Variants in CAMTA2 observed in about 807,000 individuals in gnomAD.
CAMTA2 encodes calmodulin-binding transcription activator 2.
CAMTA2 carries 56 observed loss-of-function variants against 135.7 expected under a neutral mutation model. The observed-to-expected ratio is 0.41, with a 90% CI of 0.33 to 0.52. The LOEUF (loss-of-function observed/expected upper bound fraction) is 0.52. Ranked by LOEUF, CAMTA2 falls within the 20% of genes least tolerant of loss-of-function variation. The pLI, the probability that CAMTA2 is intolerant of heterozygous loss-of-function variation, is 0.16. For synonymous variants in CAMTA2, 591 were observed against 604.6 expected (o/e 0.98, Z 0.33); for missense variants, 1,358 against 1,553.4 (o/e 0.87, Z 2.11).
chr17:4,985,800 G>C, intron 3 of CAMTA2, 80 bp downstream of exon 3: 1 of 855,286 alleles, frequency 1.2e-6, no homozygotes, highest in Non-Finnish European at 2.0e-6. Context: ...AGTGTTGACA[G>C]ACACGGAAAG....
rs75066890 is a variant in CAMTA2, at chr17:4,974,512, C to T, written c.1901-12G>A. On this transcript the variant is annotated splice_polypyrimidine_tract_variant and intron_variant, in intron 11 of 22. Transcript: ENST00000348066. ...CCGGAACTGGTTGTCTGAGGGGGAA[C>T]GGGTATGGGAGGCTGAGTGGGCAGT... The T allele has an allele frequency of 2.3e-3, 3,619 of 1,575,508 alleles. 144 individuals are homozygous for T. The East Asian group carries it at 0.066, about 29-fold the overall frequency.
rs538188115 is a variant in CAMTA2, at chr17:4,985,479, A to T, written c.135+401T>A. ...CACTCTGTCACCCAGGCTGGAGTGC[A>T]GTGGCGTGATCTCAGCTCACTGCAG... On this transcript the variant is annotated intron_variant, in intron 3 of 22. Coordinates refer to ENST00000348066, the MANE Select transcript of CAMTA2 (RefSeq NM_015099.4). 7.9e-5 allele frequency among the ~76,000 whole-genome samples: 12 copies of T among 152,266 alleles called. No individual in the cohort carries two copies. In the South Asian group the frequency reaches 2.5e-3, roughly 32 times the overall value.
Position 4,968,578 on chromosome 17 carries a change from A to C in CAMTA2, c.*178T>G, listed in dbSNP as rs960948475. The C allele has an allele frequency of 3.1e-6, 2 of 655,468 alleles. No homozygotes were observed. Among genetic ancestry groups the C allele is most frequent in the Non-Finnish European group, 5.3e-6 (2 of 376,012 alleles). The allele number at this position is 655,468 out of a possible 1,614,324, so 40.6% of individuals were successfully genotyped here. ...CCAAAAGAGACGGGGCACGACCAGGAGGGACGAGGAGAGGGGTGTGGGAGC... is the reference window on the plus strand; with the variant it reads ...CCAAAAGAGACGGGGCACGACCAGGCGGGACGAGGAGAGGGGTGTGGGAGC... On this transcript the variant is annotated 3_prime_UTR_variant, in exon 23 of 23. Coordinates refer to ENST00000348066, the MANE Select transcript of CAMTA2 (RefSeq NM_015099.4).
intron 16 of CAMTA2, among the ~76,000 whole-genome samples, chr17:4,971,506 T>C (rs2151162545): frequency 6.6e-6 from 1 of 152,202 alleles, no homozygotes; most frequent in African/African-American, 2.4e-5. Flanking sequence ...ACCATGCCTA[T>C]TTTTAAAAAA....
In CAMTA2 at chr17:4,968,767, G is replaced by C; in HGVS notation, c.3598C>G (p.Leu1200Val). Residue 1200 changes from leucine to valine, a missense_variant, in exon 23 of 23, where the codon CTG becomes GTG. By Grantham distance (32) the Leu-to-Val change is conservative (BLOSUM62 1). This residue lies in a region of CAMTA2 where 167 missense variants were observed against 207.0 expected (regional missense o/e 0.81). Coordinates refer to ENST00000348066, the MANE Select transcript of CAMTA2 (RefSeq NM_015099.4). ...QELEGLPQPG[L>V]AT ...AGGCGGTGGCCAGGTCATGTGGCCA[G>C]TCCCGGCTGGGGAAGCCCTTCCAGC... The C allele has an allele frequency of 2.5e-6, 4 of 1,614,162 alleles. No individual in the cohort carries two copies. The highest frequency in any genetic ancestry group is 3.4e-6 in the Non-Finnish European group (4 of 1,180,040).
chr17:4,985,991 G>C lies in CAMTA2; in HGVS notation c.32-8C>G, dbSNP rs951593433. ...TCAGGTGGTGGCTGTTTTCTAAAGG[G>C]AATTAGAAGGGAGGGTTTAGTGTGC... On this transcript the variant is annotated splice_region_variant and splice_polypyrimidine_tract_variant and intron_variant, in intron 2 of 22. Transcript: ENST00000348066. 1.9e-6 allele frequency: 3 copies of C among 1,593,646 alleles called. No homozygotes were observed. The highest frequency in any genetic ancestry group is 2.6e-6 in the Non-Finnish European group (3 of 1,161,418).
rs1202742764 is a variant in CAMTA2, at chr17:4,974,401, T to G, written c.2000A>C (p.Asp667Ala). 2 of 1,611,110 alleles carry G rather than the reference T, an allele frequency of 1.2e-6. No individual in the cohort carries two copies. The highest frequency in any genetic ancestry group is 2.2e-5 in the South Asian group (2 of 90,990). The change falls in exon 12 of 23, where the codon GAT (aspartate) becomes GCT (alanine). Residue 667 changes from aspartate to alanine, a missense_variant. Physicochemically the swap from Asp to Ala is moderately radical, Grantham distance 126. Transcript: ENST00000348066. ...CAGAAGTACCTGAACTGGAGGAGCA[T>G]CAGGACCCTGGCAAGGCACCTGCCC... ...AAGQVPCQGP[D>A]APPVQDEGQG...
Position 4,980,630 on chromosome 17 carries a change from G to C in CAMTA2, c.701-9C>G. 2 of 1,609,532 alleles carry C rather than the reference G, an allele frequency of 1.2e-6. No homozygotes were observed. Among genetic ancestry groups the C allele is most frequent in the Non-Finnish European group, 1.7e-6 (2 of 1,176,088 alleles). On this transcript the variant is annotated splice_polypyrimidine_tract_variant and intron_variant, in intron 8 of 22. Coordinates refer to ENST00000348066, the MANE Select transcript of CAMTA2 (RefSeq NM_015099.4). This position sits in a 1 kb window ranked among gnomAD's most constrained non-coding sequence, Gnocchi z 5.3. Reference sequence around the variant, plus strand: ...GGTAAGGCTCCCAGAACCTGGAGTGGAGAGGAGTAGGAGGGAGAGGAGATA... The same window carrying C: ...GGTAAGGCTCCCAGAACCTGGAGTGCAGAGGAGTAGGAGGGAGAGGAGATA...
intron 16 of CAMTA2, among the ~76,000 whole-genome samples, chr17:4,971,855 A>C (rs1972308393): frequency 6.6e-6 from 1 of 151,810 alleles, no homozygotes; most frequent in South Asian, 2.1e-4. Context: ...TGCCCAGTTA[A>C]TTTTTGTATT....
At chr17:4,977,736 C>G (rs1466154572) in intron 10 of CAMTA2, among the ~76,000 whole-genome samples, 1 of 152,186 alleles carries the variant, frequency 6.6e-6, no homozygotes. Flanking sequence ...AGAACACACT[C>G]GTAGACAGCA....
Position 4,968,218 on chromosome 17 carries a change from T to G in CAMTA2, c.*538A>C. The G allele has an allele frequency of 3.9e-6, 1 of 257,820 alleles. No homozygotes were observed. The highest frequency in any genetic ancestry group is 7.6e-6 in the Non-Finnish European group (1 of 131,908). 16.0% of individuals were successfully genotyped at this position (257,820 alleles called of 1,614,324 possible). On this transcript the variant is annotated 3_prime_UTR_variant, in exon 23 of 23. Coordinates refer to ENST00000348066, the MANE Select transcript of CAMTA2 (RefSeq NM_015099.4). ...GGACGGGGCGGACTCCGCAACGCGT[T>G]CCTATGTACACCACCTCCCCTTCGG...
In CAMTA2 at chr17:4,968,684, G is replaced by GC. The variant is rs761834893; in HGVS notation, c.*71dup. ...AAAGCTGCCGACAGGGGCTCCCCCT[G>GC]CCCCAGAAAGCCCTCTCCCTGTTAA... On this transcript the variant is annotated 3_prime_UTR_variant, in exon 23 of 23. Transcript: ENST00000348066. The GC allele has an allele frequency of 3.4e-5, 54 of 1,571,446 alleles. No homozygotes were observed. Among genetic ancestry groups the GC allele is most frequent in the Non-Finnish European group, 4.7e-5 (54 of 1,146,448 alleles).
chr17:4,968,093 G>C lies in CAMTA2; in HGVS notation c.*663C>G. ...GGCAGGAGGCCCCCGCCGCGCTAGA[G>C]AACCACAAGCCCGGCCGTGCAGCCC... On this transcript the variant is annotated 3_prime_UTR_variant, in exon 23 of 23. Transcript: ENST00000348066. 3 of 497,326 alleles carry C rather than the reference G, an allele frequency of 6.0e-6. No individual in the cohort carries two copies. The highest frequency in any genetic ancestry group is 7.2e-6 in the Non-Finnish European group (2 of 276,796). The allele number at this position is 497,326 out of a possible 1,614,324, so 30.8% of individuals were successfully genotyped here.
In CAMTA2 at chr17:4,968,786, T is replaced by C. The variant is rs1597720578; in HGVS notation, c.3579A>G (p.Glu1193=). 2 of 1,614,166 alleles carry C rather than the reference T, an allele frequency of 1.2e-6. No individual in the cohort carries two copies. The highest frequency in any genetic ancestry group is 8.5e-7 in the Non-Finnish European group (1 of 1,180,018). Residue 1193 remains glutamate (E), a synonymous_variant, in exon 23 of 23, where the codon GAA becomes GAG. Transcript: ENST00000348066. The stretch of plus-strand genomic sequence containing the variant: ...TGGCCAGTCCCGGCTGGGGAAGCCC[T>C]TCCAGCTCCTGGTTCTGCTTCAGTT... ...MRELKQNQEL[E]GLPQPGLAT is the part of the protein sequence containing the mutation.
chr17:4,970,367 T>C lies in CAMTA2; in HGVS notation c.2978A>G (p.Asp993Gly), dbSNP rs747548041. 1.2e-6 allele frequency: 2 copies of C among 1,614,182 alleles called. No homozygotes were observed. The highest frequency in any genetic ancestry group is 2.2e-5 in the South Asian group (2 of 91,088). The change falls in exon 17 of 23, where the codon GAC becomes GGC. Residue 993 changes from aspartate (D) to glycine (G), a missense_variant. Asp to Gly is a moderately conservative substitution (Grantham distance 94). Coordinates refer to ENST00000348066, the MANE Select transcript of CAMTA2 (RefSeq NM_015099.4). Reference sequence around the variant, plus strand: ...GGGAGGGGTTGAGCTGGGGAAATGGTCCACATTCTCCAGGTAGCTGGCCAG... The same window carrying C: ...GGGAGGGGTTGAGCTGGGGAAATGGCCCACATTCTCCAGGTAGCTGGCCAG... ...SWLASYLENV[D>G]HFPSSTPPSE...
rs888530080 is a variant in CAMTA2 at position 4,969,621 on chromosome 17, G to A, written c.3261+9C>T. 14 of 1,614,112 alleles carry A rather than the reference G, an allele frequency of 8.7e-6. No individual in the cohort carries two copies. Among genetic ancestry groups the A allele is most frequent in the Admixed American group, 1.7e-5 (1 of 60,024 alleles). Reference sequence around the variant, plus strand: ...TGCTGGTTACACTTTTGAGGGAGAAGGGTCTCACCTGCTTGTACTTCCGGT... The same window carrying A: ...TGCTGGTTACACTTTTGAGGGAGAAAGGTCTCACCTGCTTGTACTTCCGGT... On this transcript the variant is annotated intron_variant, in intron 19 of 22. Coordinates refer to ENST00000348066, the MANE Select transcript of CAMTA2 (RefSeq NM_015099.4). This position sits in a 1 kb window ranked among gnomAD's most constrained non-coding sequence, Gnocchi z 5.6.
At position 4,974,613 on chromosome 17, in the gene CAMTA2, A is replaced by G. The variant is rs1972508113; in HGVS notation, c.1901-113T>C. 35 of 679,034 alleles carry G rather than the reference A, an allele frequency of 5.2e-5. No individual in the cohort carries two copies. The South Asian group carries it at 5.7e-4, about 11-fold the overall frequency. 42.1% of individuals were successfully genotyped at this position (679,034 alleles called of 1,614,324 possible). On this transcript the variant is annotated intron_variant, in intron 11 of 22. Coordinates refer to ENST00000348066, the MANE Select transcript of CAMTA2 (RefSeq NM_015099.4). ...TGAGGACACAGAACCATATTCTTTT[A>G]TCTTCCCCAAAACAACAGCTCCTTT...
rs1435188859 is a variant in CAMTA2 at position 4,978,649 on chromosome 17, G to C, written c.1639-19C>G. 6.2e-7 allele frequency: 1 copy of C among 1,609,314 alleles called. No homozygotes were observed. The highest frequency in any genetic ancestry group is 8.5e-7 in the Non-Finnish European group (1 of 1,176,672). On this transcript the variant is annotated intron_variant, in intron 9 of 22. Transcript: ENST00000348066. ...CCCCACCCTGCAGACAGAAGTCAGA[G>C]ACCATGTGACTGGAGTTGGGCGTTC...
In CAMTA2 at chr17:4,977,130, C is replaced by T. The variant is rs1187777777; in HGVS notation, c.1828G>A (p.Val610Met). The part of the protein sequence containing the change: ...AGREGPLSAS[V>M]LFEYRARRFL... ...CGGCGGGCTCGATACTCAAAGAGCA[C>T]AGAAGCAGAAAGGGGCCCCTCCCGC... The change falls in exon 11 of 23, where the codon GTG (valine) becomes ATG (methionine). Residue 610 changes from valine to methionine, a missense_variant. Physicochemically the swap from Val to Met is conservative, Grantham distance 21. Coordinates refer to ENST00000348066, the MANE Select transcript of CAMTA2 (RefSeq NM_015099.4). 3 of 1,614,016 alleles carry T rather than the reference C, an allele frequency of 1.9e-6. No individual in the cohort carries two copies. The highest frequency in any genetic ancestry group is 1.3e-5 in the African/African-American group (1 of 74,920).
Sources: gnomAD v4.1 joint callset for allele counts (sites outside exome capture counted in the v4.1 genomes callset) on GRCh38, gnomAD v4.1.1 for gene constraint, gnomAD v4.1.1 regional missense constraint, Gnocchi (gnomAD v3.1) non-coding constraint, MANE v1.5 for transcripts, NCBI Gene and HGNC (gene_info 2026-07-23, HGNC 2026-07-21) for gene names.